The following KANK1 variants were observed in gnomAD, a reference collection of about 807,000 sequenced individuals.
KANK1 encodes the protein KN motif and ankyrin repeat domain-containing protein 1.
KANK1 carries 109 observed loss-of-function variants against 106.2 expected under a neutral mutation model. The ratio of observed to expected loss-of-function variants is 1.03; its 90% confidence interval spans 0.88 to 1.20. KANK1 has a LOEUF of 1.20. Among genes scored for constraint, KANK1 ranks in the 50% most tolerant of loss-of-function variants. The pLI, the probability that KANK1 is intolerant of heterozygous loss-of-function variation, is 0.00. For missense variants in KANK1, 2,399 were observed against 1,710.7 expected (o/e 1.40, Z -7.10); for synonymous variants, 873 against 652.2 (o/e 1.34, Z -5.16).
At chr9:504,862 G>A (rs1587303276) in intron 1 of KANK1, 108 bp downstream of exon 1, 2 of 140,896 alleles carry the variant, frequency 1.4e-5, no homozygotes, top group African/African-American at 5.0e-5. Flanking sequence ...AGCCGACTTG[G>A]CGCGCGCCGG....
At chr9:640,182 C>T (rs993403323) in intron 1 of KANK1, among the ~76,000 whole-genome samples, 1 of 152,186 alleles carries the variant, frequency 6.6e-6, no homozygotes, top group Non-Finnish European at 1.5e-5. Flanking sequence ...ATTCTCACTG[C>T]TCAGGCAGGG....
intron 3 of KANK1, among the ~76,000 whole-genome samples, chr9:727,554 A>G (rs962835142): frequency 6.6e-6 from 1 of 151,970 alleles, no homozygotes; most frequent in African/African-American, 2.4e-5. Context: ...GACCTCAAGT[A>G]ATCTACCTGC....
intron 1 of KANK1, among the ~76,000 whole-genome samples, chr9:519,324 T>C (rs1006640052): frequency 3.3e-5 from 5 of 151,816 alleles, no homozygotes; most frequent in Non-Finnish European, 7.4e-5. Context: ...TTCCAACTTC[T>C]CAGGATCTGC....
intron 1 of KANK1, among the ~76,000 whole-genome samples, chr9:626,243 C>G (rs1199376057): frequency 6.6e-6 from 1 of 152,068 alleles, no homozygotes; most frequent in South Asian, 2.1e-4. Context: ...GCAGGCAGAT[C>G]ATCTGAGGTC....
In KANK1 at chr9:732,478, G is replaced by T; in HGVS notation, c.3106G>T (p.Glu1036Ter). Residue 1036 changes from glutamate (E) to a stop codon, truncating the protein, a stop_gained, in exon 6 of 12, where the codon GAG becomes TAG. Coordinates refer to ENST00000382297, the MANE Select transcript of KANK1 (RefSeq NM_015158.5). LOFTEE classifies it high-confidence loss of function. Reference sequence around the variant, plus strand: ...CATTGAGTATCCTCTTGAAGAAGAGGAGGAGGAGGAGGATGAAGACACTCG... The same window carrying T: ...CATTGAGTATCCTCTTGAAGAAGAGTAGGAGGAGGAGGATGAAGACACTCG... ...DVIEYPLEEE[E>*]EEEDEDTRGM... The T allele has an allele frequency of 1.2e-6, 2 of 1,613,982 alleles. No homozygotes were observed. Among genetic ancestry groups the T allele is most frequent in the South Asian group, 1.1e-5 (1 of 91,072 alleles).
intron 1 of KANK1, among the ~76,000 whole-genome samples, chr9:625,895 A>G (rs541790414): frequency 1.3e-5 from 2 of 151,970 alleles, no homozygotes; most frequent in East Asian, 3.9e-4. Flanking sequence ...ACCACTCCCC[A>G]CGGTCCCCAG....
intron 2 of KANK1, among the ~76,000 whole-genome samples, chr9:689,094 T>C (rs1402786368): frequency 2.0e-5 from 3 of 152,198 alleles, no homozygotes; most frequent in African/African-American, 7.2e-5. Flanking sequence ...CCCAATTCAT[T>C]TGGTATTGGC....
At chr9:626,902 C>T (rs934284786) in intron 1 of KANK1, among the ~76,000 whole-genome samples, 1 of 151,854 alleles carries the variant, frequency 6.6e-6, no homozygotes, top group Non-Finnish European at 1.5e-5. Context: ...AGAAGACAGG[C>T]GGCTGCTATT....
intron 1 of KANK1, among the ~76,000 whole-genome samples, chr9:512,319 C>T (rs2059069313): frequency 6.6e-6 from 1 of 151,688 alleles, no homozygotes; most frequent in African/African-American, 2.4e-5. Context: ...GCGGGCTAGT[C>T]CTAAATACTG....
rs3028166 is a variant in KANK1, at chr9:598,620, C to CTTTTTTTTTTTTTTTTTTTTTT, written c.-83-78261_-83-78240dup. 4.3e-5 allele frequency among the ~76,000 whole-genome samples: 2 copies of CTTTTTTTTTTTTTTTTTTTTTT among 46,680 alleles called. 1 individual carries two copies. The highest frequency in any genetic ancestry group is 8.6e-5 in the Non-Finnish European group (2 of 23,144). The allele number at this position is 46,680 out of a possible 152,430, so 30.6% of individuals were successfully genotyped here. ...TTTTTTGTTTTGTTTTGTTGGTTTT[C>CTTTTTTTTTTTTTTTTTTTTTT]TTTTTTTTTTTTTTTTTTTTTTTTT... On this transcript the variant is annotated intron_variant, in intron 1 of 11. Coordinates refer to ENST00000382297, the MANE Select transcript of KANK1 (RefSeq NM_015158.5).
intron 10 of KANK1, among the ~76,000 whole-genome samples, chr9:743,396 G>A (rs1166905047): frequency 6.6e-6 from 1 of 152,200 alleles, no homozygotes; most frequent in African/African-American, 2.4e-5. Context: ...CCCTCTGTGG[G>A]AGGGAGAGCT....
intron 1 of KANK1, among the ~76,000 whole-genome samples, chr9:575,707 T>C (rs1334184286): frequency 6.6e-6 from 1 of 151,088 alleles, no homozygotes; most frequent in Non-Finnish European, 1.5e-5. Context: ...TTCTAGTTAA[T>C]AGCAAGGAAA....
rs181871076 is a variant in KANK1, at chr9:512,027, A to G, written c.-84+7273A>G. ...CCAAAAAGGCTTTGCTCCCATGACT[A>G]TTGCCTTAGTGGGAGTAGCTGGAAT... On this transcript the variant is annotated intron_variant, in intron 1 of 11. Transcript: ENST00000382297. 1.7e-4 allele frequency among the ~76,000 whole-genome samples: 26 copies of G among 150,178 alleles called. No individual in the cohort carries two copies. The East Asian group carries it at 4.1e-3, about 23-fold the overall frequency.
chr9:746,035 T>A lies in KANK1; in HGVS notation c.*800T>A, dbSNP rs1837076192. On this transcript the variant is annotated 3_prime_UTR_variant, in exon 12 of 12. Coordinates refer to ENST00000382297, the MANE Select transcript of KANK1 (RefSeq NM_015158.5). ...CCGTGTCACATTTACTTTGGTCCTC[T>A]ATGTATTTAAATGTTTGAAGTGCCT... 6.5e-6 allele frequency: 1 copy of A among 152,706 alleles called. No homozygotes were observed. The allele number at this position is 152,706 out of a possible 1,614,324, so 9.5% of individuals were successfully genotyped here.
chr9:568,843 G>T (rs775910590), intron 1 of KANK1, among the ~76,000 whole-genome samples: 1 of 152,076 alleles, frequency 6.6e-6, no homozygotes, highest in Non-Finnish European at 1.5e-5. Flanking sequence ...CAAAATTACA[G>T]GTCAGAAGTC....
chr9:514,644 C>T (rs1175225247), intron 1 of KANK1, among the ~76,000 whole-genome samples: 2 of 151,646 alleles, frequency 1.3e-5, no homozygotes, highest in East Asian at 1.9e-4. Context: ...GGTTCATGCT[C>T]ATTGCTGTAT....
At chr9:650,636 A>G (rs1260236148) in intron 1 of KANK1, among the ~76,000 whole-genome samples, 1 of 152,172 alleles carries the variant, frequency 6.6e-6, no homozygotes, top group Admixed American at 6.5e-5. Flanking sequence ...AGAGTGGCAC[A>G]CACCAGACCC....
chr9:667,704 A>T (rs1844951217), intron 1 of KANK1, among the ~76,000 whole-genome samples: 1 of 148,594 alleles, frequency 6.7e-6, no homozygotes, highest in Non-Finnish European at 1.5e-5. Flanking sequence ...CATGTTGTTT[A>T]ATTTCCATGT....
intron 2 of KANK1, among the ~76,000 whole-genome samples, chr9:694,499 G>T (rs1328551872): frequency 6.6e-6 from 1 of 152,138 alleles, no homozygotes; most frequent in East Asian, 1.9e-4. Flanking sequence ...GCATAGTTGG[G>T]GTTGCACTTA....
Sources: gnomAD v4.1 joint callset for allele counts (sites outside exome capture counted in the v4.1 genomes callset) on GRCh38, gnomAD v4.1.1 for gene constraint, MANE v1.5 for transcripts, NCBI Gene and HGNC (gene_info 2026-07-23, HGNC 2026-07-21) for gene names.